Variants in UBE2E2 observed in about 807,000 individuals in gnomAD.
The protein encoded by UBE2E2 is ubiquitin conjugating enzyme E2 E2, also known as ubiquitin-conjugating enzyme E2 E2.
A neutral mutation model predicts 24.7 loss-of-function variants in UBE2E2; 6 were observed. That is an observed-to-expected ratio of 0.24 (90% CI 0.13 to 0.48). The LOEUF (loss-of-function observed/expected upper bound fraction) is 0.48. UBE2E2 is among the 20% of genes least tolerant of loss of function. The pLI is 0.99. For missense variants in UBE2E2, 169 were observed against 245.0 expected (o/e 0.69, Z 2.07); for synonymous variants, 104 against 83.6 (o/e 1.24, Z -1.33).
chr3:23,544,268 A>C (rs1485502103), intron 5 of UBE2E2, among the ~76,000 whole-genome samples: 1 of 152,174 alleles, frequency 6.6e-6, no homozygotes, highest in African/African-American at 2.4e-5. Context: ...GAGTAAACAG[A>C]CAACCCACAG....
chr3:23,224,156 G>GTTTTTTTTTTTTTTTTTTTT (rs531661466), intron 3 of UBE2E2, among the ~76,000 whole-genome samples: 3 of 93,720 alleles, frequency 3.2e-5, no homozygotes, highest in African/African-American at 4.0e-5. Flanking sequence ...TAAATTTTAG[G>GTTTTTTTTTTTTTTTTTTTT]TTTTTTTTTT....
chr3:23,240,362 G>T (rs750658337), intron 3 of UBE2E2, among the ~76,000 whole-genome samples: 3 of 152,096 alleles, frequency 2.0e-5, no homozygotes, highest in Non-Finnish European at 4.4e-5. Context: ...TTCCTATGTG[G>T]TAAATTGTTC....
chr3:23,232,268 A>T (rs946550293), intron 3 of UBE2E2, among the ~76,000 whole-genome samples: 1 of 152,230 alleles, frequency 6.6e-6, no homozygotes, highest in Non-Finnish European at 1.5e-5. Context: ...TAGGAGTTGT[A>T]TGCCAGGAAA....
At chr3:23,337,050 G>A (rs1695229811) in intron 3 of UBE2E2, among the ~76,000 whole-genome samples, 2 of 151,712 alleles carry the variant, frequency 1.3e-5, no homozygotes, top group Admixed American at 6.6e-5. Context: ...TGAGGTGAGA[G>A]GATCACTTGA....
intron 3 of UBE2E2, among the ~76,000 whole-genome samples, chr3:23,347,168 T>G (rs557164902): frequency 6.6e-6 from 1 of 152,318 alleles, no homozygotes; most frequent in East Asian, 1.9e-4. Flanking sequence ...GATCTAGAAC[T>G]AGAAATACAT....
intron 3 of UBE2E2, among the ~76,000 whole-genome samples, chr3:23,263,462 A>G (rs1697957001): frequency 6.6e-6 from 1 of 152,168 alleles, no homozygotes; most frequent in Non-Finnish European, 1.5e-5. Flanking sequence ...ATACTTACCT[A>G]TTCTGACAGT....
At chr3:23,449,872 T>C (rs2125415395) in intron 3 of UBE2E2, 2 of 985,458 alleles carry the variant, frequency 2.0e-6, no homozygotes, top group Non-Finnish European at 2.4e-6. Flanking sequence ...CCCAGCCCTA[T>C]AATGGGGAAG....
chr3:23,479,857 C>T (rs1047968766), intron 3 of UBE2E2, among the ~76,000 whole-genome samples: 2 of 152,066 alleles, frequency 1.3e-5, no homozygotes, highest in Non-Finnish European at 1.5e-5. Flanking sequence ...TTTTTATGTG[C>T]TCAGAATGGA....
At chr3:23,332,296 A>G (rs1695078922) in intron 3 of UBE2E2, among the ~76,000 whole-genome samples, 1 of 152,006 alleles carries the variant, frequency 6.6e-6, no homozygotes, top group African/African-American at 2.4e-5. Context: ...GTGCTGTGCC[A>G]TTATGCCTGG....
intron 3 of UBE2E2, among the ~76,000 whole-genome samples, chr3:23,451,096 T>G (rs1266845034): frequency 6.6e-6 from 1 of 152,240 alleles, no homozygotes. Flanking sequence ...GCAACTATTG[T>G]AAAACTTTTT....
At chr3:23,505,081 T>G (rs948734562) in intron 4 of UBE2E2, among the ~76,000 whole-genome samples, 20 of 35,402 alleles carry the variant, frequency 5.6e-4, no homozygotes, top group African/African-American at 1.6e-3. Flanking sequence ...AATTTTTGTT[T>G]TTTTTTTTGT....
chr3:23,258,992 A>G (rs1410989954), intron 3 of UBE2E2, among the ~76,000 whole-genome samples: 1 of 152,154 alleles, frequency 6.6e-6, no homozygotes, highest in Non-Finnish European at 1.5e-5. Flanking sequence ...TATACAAAAT[A>G]AGACTTTTTC....
At chr3:23,473,953 A>T (rs917103513) in intron 3 of UBE2E2, among the ~76,000 whole-genome samples, 1 of 151,986 alleles carries the variant, frequency 6.6e-6, no homozygotes, top group Non-Finnish European at 1.5e-5. Flanking sequence ...TGGTAGTTCT[A>T]TTTTTAGTTC....
At chr3:23,248,229 A>G (rs763683327) in intron 3 of UBE2E2, among the ~76,000 whole-genome samples, 1 of 152,238 alleles carries the variant, frequency 6.6e-6, no homozygotes, top group Non-Finnish European at 1.5e-5. Flanking sequence ...CACGACAGAC[A>G]TCTGATTGTT....
chr3:23,356,542 T>G (rs909295398), intron 3 of UBE2E2, among the ~76,000 whole-genome samples: 2 of 152,104 alleles, frequency 1.3e-5, no homozygotes, highest in African/African-American at 4.8e-5. Flanking sequence ...TTTATTTTTG[T>G]TAATTATCTC....
chr3:23,538,520 G>A (rs943003117), intron 5 of UBE2E2, among the ~76,000 whole-genome samples: 17 of 152,134 alleles, frequency 1.1e-4, no homozygotes, highest in Non-Finnish European at 1.5e-5. Context: ...AGTTCAAAAC[G>A]TTTATTAAAG....
At chr3:23,568,110 A>C (rs768474618) in intron 5 of UBE2E2, among the ~76,000 whole-genome samples, 2 of 152,194 alleles carry the variant, frequency 1.3e-5, no homozygotes, top group Non-Finnish European at 2.9e-5. Context: ...CCACAGTCAA[A>C]GGCAGGCAGA....
intron 3 of UBE2E2, 150 bp from the exon 4 acceptor site, chr3:23,499,458 T>C (rs1336282316): frequency 3.2e-6 from 3 of 941,250 alleles, no homozygotes; most frequent in Non-Finnish European, 4.6e-6. Context: ...ATAATGACAA[T>C]ATTGGCAATA....
chr3:23,203,893 A>C (rs916031382), intron 1 of UBE2E2, among the ~76,000 whole-genome samples: 1 of 152,052 alleles, frequency 6.6e-6, no homozygotes, highest in Admixed American at 6.5e-5. Context: ...ATTGCTGCAC[A>C]TGGTGTGTCT....
Sources: allele counts gnomAD v4.1 joint callset (sites outside exome capture counted in the v4.1 genomes callset), GRCh38; gene constraint gnomAD v4.1.1; transcripts MANE v1.5; gene names NCBI Gene and HGNC (gene_info 2026-07-23, HGNC 2026-07-21).